Variants in ZNF507 observed in about 807,000 individuals in gnomAD.
The protein encoded by ZNF507 is zinc finger protein 507.
A neutral mutation model predicts 80.0 loss-of-function variants in ZNF507; 29 were observed. The observed-to-expected ratio is 0.36, with a 90% CI of 0.27 to 0.49. The LOEUF (loss-of-function observed/expected upper bound fraction) is 0.49. Ranked by LOEUF, ZNF507 falls within the 20% of genes least tolerant of loss-of-function variation. The pLI, the probability that ZNF507 is intolerant of heterozygous loss-of-function variation, is 0.98. For missense variants in ZNF507, 1,081 were observed against 1,152.2 expected, an observed-to-expected ratio of 0.94 and a Z score of 0.90; for synonymous variants, 462 against 422.5, an observed-to-expected ratio of 1.09 and a Z score of -1.15.
rs763392656 is a variant in ZNF507 at position 32,360,611 on chromosome 19, C to T, written c.2353C>T (p.Pro785Ser). The change falls in exon 5 of 7, where the codon CCG becomes TCG. Residue 785 changes from proline (P) to serine (S), a missense_variant. Physicochemically the swap from Pro to Ser is moderately conservative, Grantham distance 74 (BLOSUM62 -1). Coordinates refer to ENST00000355898, the MANE Select transcript of ZNF507 (RefSeq NM_001136156.2). ...NHRRIHNSDK[P>S]YRCSLCGYVC... ...CAGGCGAATCCATAACTCTGATAAG[C>T]CGTACAGGTAAGTGTTATGATTCTA... The T allele has an allele frequency of 1.9e-6, 3 of 1,574,966 alleles. No homozygotes were observed. The highest frequency in any genetic ancestry group is 1.8e-5 in the Admixed American group (1 of 56,770).
In ZNF507 at chr19:32,383,178, A is replaced by C. The variant is rs1336180988; in HGVS notation, c.*95A>C. 6.1e-6 allele frequency: 9 copies of C among 1,475,338 alleles called. No individual in the cohort carries two copies. The highest frequency in any genetic ancestry group is 2.8e-5 in the South Asian group (2 of 72,114). The allele number at this position is 1,475,338 out of a possible 1,614,324, so 91.4% of individuals were successfully genotyped here. On this transcript the variant is annotated 3_prime_UTR_variant, in exon 7 of 7. Transcript: ENST00000355898. ...TCAGACAACTTCCTGCCACAGAAGA[A>C]GTCGTTGATGTGATTTTTGAGGAAA...
At chr19:32,378,652 A>T (rs879457813) in intron 5 of ZNF507, among the ~76,000 whole-genome samples, 265 of 24,056 alleles carry the variant, frequency 0.011, 2 homozygotes, top group Non-Finnish European at 0.031. Flanking sequence ...TTTTTTTTTA[A>T]AAAAAAAAGG....
intron 4 of ZNF507, chr19:32,357,919 A>G (rs1353426428): frequency 6.6e-6 from 1 of 152,256 alleles, no homozygotes. Flanking sequence ...CGTCCTAAAA[A>G]GCAAACATTT....
At chr19:32,380,819 G>A (rs1487576984) in intron 5 of ZNF507, among the ~76,000 whole-genome samples, 1 of 152,120 alleles carries the variant, frequency 6.6e-6, no homozygotes, top group African/African-American at 2.4e-5. Context: ...ACCTGCGCTT[G>A]CTGGGAAGCT....
At chr19:32,350,422 T>C (rs1967147843) in intron 2 of ZNF507, among the ~76,000 whole-genome samples, 1 of 152,206 alleles carries the variant, frequency 6.6e-6, no homozygotes, top group South Asian at 2.1e-4. Flanking sequence ...CTGCTGCAAA[T>C]TTCCATTAGC....
chr19:32,379,640 A>G (rs563645362), intron 5 of ZNF507, among the ~76,000 whole-genome samples: 1 of 152,214 alleles, frequency 6.6e-6, no homozygotes, highest in African/African-American at 2.4e-5. Flanking sequence ...ATACATATGG[A>G]TGTATTAAGT....
chr19:32,375,528 G>A (rs1967535174), intron 5 of ZNF507, among the ~76,000 whole-genome samples: 1 of 152,188 alleles, frequency 6.6e-6, no homozygotes, highest in African/African-American at 2.4e-5. Context: ...GGGAAAGAAA[G>A]AAGAGATATT....
At chr19:32,380,355 CA>C (rs994679479) in intron 5 of ZNF507, among the ~76,000 whole-genome samples, 11 of 146,082 alleles carry the variant, frequency 7.5e-5, no homozygotes, top group Non-Finnish European at 7.6e-5. Context: ...GACCCTGTCT[CA>C]AAAAAAAAAG....
At chr19:32,369,849 C>T (rs1202867291) in intron 5 of ZNF507, among the ~76,000 whole-genome samples, 2 of 152,124 alleles carry the variant, frequency 1.3e-5, no homozygotes, top group African/African-American at 4.8e-5. Context: ...TGTATTAGGT[C>T]TCTAGACAAG....
intron 2 of ZNF507, among the ~76,000 whole-genome samples, 160 bp downstream of exon 2, chr19:32,347,498 C>G (rs988200534): frequency 3.3e-5 from 5 of 152,138 alleles, no homozygotes; most frequent in African/African-American, 1.2e-4. Context: ...ATATTTTGTA[C>G]ATTTTTATTC....
Position 32,354,847 on chromosome 19 carries a change from A to G in ZNF507, c.2017A>G (p.Ile673Val). ...ACAGAGACAGCCTTATCAGTGTCCT[A>G]TCTGCGAGCACATAGCGGACAACAG... ...HRQRQPYQCP[I>V]CEHIADNSKD... is the part of the protein sequence containing the mutation. Residue 673 changes from isoleucine to valine, a missense_variant, in exon 3 of 7, where the codon ATC (isoleucine) becomes GTC (valine). By Grantham distance (29) the Ile-to-Val change is conservative. This residue lies in a region of ZNF507 where 614 missense variants were observed against 583.9 expected (regional missense o/e 1.05). Coordinates refer to ENST00000355898, the MANE Select transcript of ZNF507 (RefSeq NM_001136156.2). 1 of 1,614,178 alleles carries G rather than the reference A, an allele frequency of 6.2e-7. No individual in the cohort carries two copies. The highest frequency in any genetic ancestry group is 8.5e-7 in the Non-Finnish European group (1 of 1,180,028).
intron 5 of ZNF507, chr19:32,381,905 A>G (rs1967628209): frequency 6.6e-6 from 1 of 152,212 alleles, no homozygotes; most frequent in Non-Finnish European, 1.5e-5. Context: ...GATTTTACCA[A>G]GTGTACTCAA....
At position 32,356,630 on chromosome 19, in the gene ZNF507, C is replaced by T. The variant is rs1337912037; in HGVS notation, c.2142C>T (p.Asn714=). The T allele has an allele frequency of 6.2e-7, 1 of 1,613,642 alleles. No individual in the cohort carries two copies. The highest frequency in any genetic ancestry group is 8.5e-7 in the Non-Finnish European group (1 of 1,179,672). ...ESFHYKSQLR[N]HEREQHSLPD... ...CCACTTTTTAGAGTCAATTGAGGAA[C>T]CATGAGAGAGAACAGCACAGTCTTC... Residue 714 remains asparagine (N), a synonymous_variant, in exon 4 of 7, where the codon AAC becomes AAT. Transcript: ENST00000355898.
chr19:32,376,939 G>A (rs541272005), intron 5 of ZNF507, among the ~76,000 whole-genome samples: 8 of 152,238 alleles, frequency 5.3e-5, no homozygotes, highest in African/African-American at 1.4e-4. Flanking sequence ...GACAGCTTAC[G>A]CCATTATTTC....
Position 32,353,486 on chromosome 19 carries a change from A to G in ZNF507, c.656A>G (p.Asp219Gly), listed in dbSNP as rs770820284. Residue 219 changes from aspartate to glycine, a missense_variant, in exon 3 of 7, where the codon GAC (aspartate) becomes GGC (glycine). Around this residue, in one of 6 missense-constraint regions of ZNF507, gnomAD observed 275 missense variants for 303.9 expected, o/e 0.90. Coordinates refer to ENST00000355898, the MANE Select transcript of ZNF507 (RefSeq NM_001136156.2). ...ATTCCAGATATCCCAGTAAGTGTGG[A>G]CAATCTACAGACTCATACTGTCCAA... ...ETIPDIPVSV[D>G]NLQTHTVQTA... 9.9e-6 allele frequency: 16 copies of G among 1,614,238 alleles called. No homozygotes were observed. Among genetic ancestry groups the G allele is most frequent in the Non-Finnish European group, 1.3e-5 (15 of 1,180,044 alleles).
chr19:32,352,062 C>T (rs1967176062), intron 2 of ZNF507, among the ~76,000 whole-genome samples: 1 of 145,880 alleles, frequency 6.9e-6, no homozygotes, highest in African/African-American at 2.4e-5. Flanking sequence ...TGTCCCTTAC[C>T]CTTTCAGGGA....
chr19:32,377,469 A>G (rs547844440), intron 5 of ZNF507, among the ~76,000 whole-genome samples: 53 of 152,334 alleles, frequency 3.5e-4, no homozygotes, highest in Non-Finnish European at 6.9e-4. Context: ...AGTAATTGCT[A>G]CAAACTAATG....
chr19:32,384,501 C>G lies in ZNF507; in HGVS notation c.*1418C>G, dbSNP rs10500258. 33,047 of 152,030 alleles carry G rather than the reference C, an allele frequency of 0.22. 4,210 individuals are homozygous for G. Among genetic ancestry groups the G allele is most frequent in the East Asian group, 0.45 (2,334 of 5,156 alleles). The allele number at this position is 152,030 out of a possible 1,614,324, so 9.4% of individuals were successfully genotyped here. A position where few individuals can be genotyped will look rare whatever the true frequency, so the allele number is the denominator to read the frequency against. On this transcript the variant is annotated 3_prime_UTR_variant, in exon 7 of 7. Transcript: ENST00000355898. Reference sequence around the variant, plus strand: ...TGCACCATCCTCACGGTGCTATTTCCGAATATCTGAATATTGATTTCTAAC... The same window carrying G: ...TGCACCATCCTCACGGTGCTATTTCGGAATATCTGAATATTGATTTCTAAC...
In ZNF507 at chr19:32,383,028, A is replaced by G; in HGVS notation, c.2807A>G (p.Glu936Gly). ...GATCATATGAAAGAGCACGAGGGTG[A>G]AATTGTAAACATCATCCTGAATAAG... ...LLDHMKEHEG[E>G]IVNIILNKDH... The change falls in exon 7 of 7, where the codon GAA (glutamate) becomes GGA (glycine). Residue 936 changes from glutamate (E) to glycine (G), a missense_variant. Coordinates refer to ENST00000355898, the MANE Select transcript of ZNF507 (RefSeq NM_001136156.2). 1.2e-6 allele frequency: 2 copies of G among 1,614,186 alleles called. No individual in the cohort carries two copies. The highest frequency in any genetic ancestry group is 1.7e-6 in the Non-Finnish European group (2 of 1,180,020).
Sources: allele counts gnomAD v4.1 joint callset (sites outside exome capture counted in the v4.1 genomes callset), GRCh38; gene constraint gnomAD v4.1.1; regional missense constraint gnomAD v4.1.1; transcripts MANE v1.5; gene names NCBI Gene and HGNC (gene_info 2026-07-23, HGNC 2026-07-21).